The following CCSER2 variants were observed in gnomAD, a reference collection of about 807,000 sequenced individuals.
CCSER2 encodes serine-rich coiled-coil domain-containing protein 2.
In CCSER2, 46 loss-of-function variants were observed where a neutral mutation model predicts 92.3. The ratio of observed to expected loss-of-function variants is 0.50; its 90% CI spans 0.39 to 0.64. The LOEUF is 0.64. Among genes scored for constraint, CCSER2 ranks in the 30% least tolerant of loss-of-function variants. CCSER2 has a pLI of 0.00. For synonymous variants in CCSER2, 433 were observed against 431.4 expected, an observed-to-expected ratio of 1.00 and a Z score of -0.04; for missense variants, 1,244 against 1,238.9, an observed-to-expected ratio of 1.00 and a Z score of -0.06.
At chr10:84,420,949 A>T (rs928664237) in intron 4 of CCSER2, among the ~76,000 whole-genome samples, 5 of 150,706 alleles carry the variant, frequency 3.3e-5, no homozygotes, top group African/African-American at 1.2e-4. Context: ...AAAAAAAAAA[A>T]GGTTTAGATT....
chr10:84,407,290 T>G (rs1029235174), intron 3 of CCSER2, among the ~76,000 whole-genome samples: 6 of 152,240 alleles, frequency 3.9e-5, no homozygotes, highest in Non-Finnish European at 8.8e-5. Flanking sequence ...TATTGTTTTA[T>G]TTATTTAATC....
chr10:84,367,381 A>T, intron 1 of CCSER2, among the ~76,000 whole-genome samples: 1 of 139,982 alleles, frequency 7.1e-6, no homozygotes, highest in African/African-American at 2.6e-5. Flanking sequence ...TCTCCTCGAT[A>T]CTTTTTTTTT....
intron 3 of CCSER2, among the ~76,000 whole-genome samples, chr10:84,388,004 C>T (rs1841317823): frequency 6.6e-6 from 1 of 152,128 alleles, no homozygotes; most frequent in South Asian, 2.1e-4. Context: ...GCTGGGATTA[C>T]AGGCACACAA....
At chr10:84,365,035 C>G (rs1156933200) in intron 1 of CCSER2, among the ~76,000 whole-genome samples, 4 of 151,674 alleles carry the variant, frequency 2.6e-5, no homozygotes, top group Non-Finnish European at 5.9e-5. Flanking sequence ...AGTCACCACG[C>G]CCGGCCTGAA....
intron 9 of CCSER2, among the ~76,000 whole-genome samples, chr10:84,503,334 C>T (rs1359197809): frequency 6.6e-6 from 1 of 152,174 alleles, no homozygotes; most frequent in African/African-American, 2.4e-5. Flanking sequence ...TTACTAGTCT[C>T]TACTTCATGA....
intron 3 of CCSER2, chr10:84,391,248 TA>T: frequency 7.2e-7 from 1 of 1,383,582 alleles, no homozygotes; most frequent in Non-Finnish European, 1.0e-6. Flanking sequence ...CAAGCCATGC[TA>T]AACAATGCTC....
intron 1 of CCSER2, among the ~76,000 whole-genome samples, chr10:84,364,504 G>A (rs1383706558): frequency 6.6e-6 from 1 of 152,134 alleles, no homozygotes; most frequent in African/African-American, 2.4e-5. Context: ...CTTTGGACAA[G>A]TATATTAGCC....
chr10:84,488,168 C>T (rs1847922063), intron 9 of CCSER2, among the ~76,000 whole-genome samples: 3 of 152,100 alleles, frequency 2.0e-5, no homozygotes, highest in Non-Finnish European at 4.4e-5. Context: ...ATTTTTGCAT[C>T]GATGTTCATC....
intron 5 of CCSER2, among the ~76,000 whole-genome samples, chr10:84,437,975 A>G (rs1337495664): frequency 3.3e-5 from 5 of 152,096 alleles, no homozygotes; most frequent in African/African-American, 1.2e-4. Context: ...TAAAACTTTT[A>G]TAAAAGCTTA....
intron 1 of CCSER2, among the ~76,000 whole-genome samples, chr10:84,337,221 CT>C (rs1299733350): frequency 3.3e-5 from 5 of 152,162 alleles, no homozygotes; most frequent in Admixed American, 6.5e-5. Flanking sequence ...GTGAATGTGG[CT>C]GGAGAAGTCC....
At chr10:84,410,054 C>G (rs1842572372) in intron 3 of CCSER2, among the ~76,000 whole-genome samples, 1 of 152,030 alleles carries the variant, frequency 6.6e-6, no homozygotes, top group African/African-American at 2.4e-5. Flanking sequence ...ATGAGGATGT[C>G]TTCCAACTCT....
At position 84,371,463 on chromosome 10, in the gene CCSER2, G is replaced by A. The variant is rs778253885; in HGVS notation, c.411G>A (p.Glu137=). 1.9e-6 allele frequency: 3 copies of A among 1,613,730 alleles called. No individual in the cohort carries two copies. Among genetic ancestry groups the A allele is most frequent in the East Asian group, 4.5e-5 (2 of 44,892 alleles). Residue 137 remains glutamate (E), a synonymous_variant, in exon 2 of 10, where the codon GAG becomes GAA. Transcript: ENST00000372088. The stretch of plus-strand genomic sequence containing the variant: ...CTATGTTTGTGTCATCTACAGAGGA[G>A]TTAAACCAAAAGTCTTTTTCTGGAC... The part of the protein sequence containing the change: ...PSTMFVSSTE[E]LNQKSFSGPS...
chr10:84,501,258 A>G (rs1305467695), intron 9 of CCSER2, among the ~76,000 whole-genome samples: 1 of 152,180 alleles, frequency 6.6e-6, no homozygotes, highest in African/African-American at 2.4e-5. Context: ...CTAAAATGCT[A>G]GTCAAGTCAT....
chr10:84,441,393 G>T (rs765840367), intron 6 of CCSER2, among the ~76,000 whole-genome samples: 1 of 152,062 alleles, frequency 6.6e-6, no homozygotes, highest in South Asian at 2.1e-4. Flanking sequence ...AGGAACTATG[G>T]TAAGTAGAGA....
In CCSER2 at chr10:84,514,375, T is replaced by G. The variant is rs1445958579; in HGVS notation, c.*108T>G. On this transcript the variant is annotated 3_prime_UTR_variant, in exon 10 of 10. Coordinates refer to ENST00000372088, the MANE Select transcript of CCSER2 (RefSeq NM_001284240.2). The stretch of plus-strand genomic sequence containing the variant: ...TGTGGTGGAGGTTCCATTGAAAGCC[T>G]GCAAATCTTAAATTAAAATGTGGAA... The G allele has an allele frequency of 5.2e-6, 4 of 773,236 alleles. No individual in the cohort carries two copies. The African/African-American group carries it at 7.0e-5, about 14-fold the overall frequency. The allele number at this position is 773,236 out of a possible 1,614,324, so 47.9% of individuals were successfully genotyped here.
At chr10:84,474,719 A>G (rs1485840380) in intron 8 of CCSER2, among the ~76,000 whole-genome samples, 1 of 150,442 alleles carries the variant, frequency 6.6e-6, no homozygotes, top group African/African-American at 2.4e-5. Context: ...TATGATAGTT[A>G]TGTTGTGATA....
chr10:84,515,034 G>C lies in CCSER2; in HGVS notation c.*767G>C, dbSNP rs1045945520. The C allele has an allele frequency of 2.6e-5, 4 of 152,616 alleles. No individual in the cohort carries two copies. Among genetic ancestry groups the C allele is most frequent in the African/African-American group, 9.6e-5 (4 of 41,454 alleles). The allele number at this position is 152,616 out of a possible 1,614,324, so 9.5% of individuals were successfully genotyped here. A position where few individuals can be genotyped will look rare whatever the true frequency, so the allele number is the denominator to read the frequency against. On this transcript the variant is annotated 3_prime_UTR_variant, in exon 10 of 10. Transcript: ENST00000372088. ...TTACTGGGTAAATTTTGGAGCGCTT[G>C]AGATACACCTTGAAACCTGTACCTA...
intron 9 of CCSER2, among the ~76,000 whole-genome samples, chr10:84,502,666 C>G (rs1020520983): frequency 6.6e-6 from 1 of 151,966 alleles, no homozygotes; most frequent in Non-Finnish European, 1.5e-5. Flanking sequence ...CCACCACGCT[C>G]GGCCTCTTTG....
intron 9 of CCSER2, among the ~76,000 whole-genome samples, chr10:84,481,761 G>T (rs1847470136): frequency 6.6e-6 from 1 of 152,000 alleles, no homozygotes; most frequent in South Asian, 2.1e-4. Flanking sequence ...TCTATCTTCT[G>T]CTTGGGAAAG....
Sources: allele counts gnomAD v4.1 joint callset (sites outside exome capture counted in the v4.1 genomes callset), GRCh38; gene constraint gnomAD v4.1.1; transcripts MANE v1.5; gene names NCBI Gene and HGNC (gene_info 2026-07-23, HGNC 2026-07-21).